Variants in FZD8 observed in about 807,000 individuals in gnomAD.
FZD8 encodes the protein frizzled-8.
FZD8 carries 18 observed loss-of-function variants against 46.0 expected under a neutral mutation model. The observed-to-expected ratio is 0.39, with a 90% CI of 0.27 to 0.58. The LOEUF (loss-of-function observed/expected upper bound fraction) is 0.58, where lower values mean the gene tolerates loss of function less well. Among genes scored for constraint, FZD8 ranks in the 20% least tolerant of loss-of-function variants. The pLI is 0.55. For missense variants in FZD8, 785 were observed against 983.4 expected, an observed-to-expected ratio of 0.80 and a Z score of 2.70; for synonymous variants, 586 against 467.9, an observed-to-expected ratio of 1.25 and a Z score of -3.26.
Position 35,641,493 on chromosome 10 carries a change from G to GGC in FZD8, c.-66_-65dup, listed in dbSNP as rs1554808067. On this transcript the variant is annotated 5_prime_UTR_variant, in exon 1 of 1. Transcript: ENST00000374694. The surrounding 1 kb of genome is among the most constrained non-coding windows in gnomAD (Gnocchi z 6.3). ...GCGCGCAGAGGGGTGCCGGGGGGGG[G>GGC]GCCCACGAGAGAGCCGCAGACGGGT... is the stretch of plus-strand genomic sequence containing the variant. 14 of 1,507,492 alleles carry GGC rather than the reference G, an allele frequency of 9.3e-6. No individual in the cohort carries two copies. In the African/African-American group the frequency reaches 1.9e-4, roughly 21 times the overall value. The allele number at this position is 1,507,492 out of a possible 1,614,324, so 93.4% of individuals were successfully genotyped here.
rs777191512 is a variant in FZD8 at position 35,640,327 on chromosome 10, CCCGCGCCCGCGCCCG to C, written c.1088_1102del (p.Ala363_Ala367del). 5.6e-4 allele frequency: 572 copies of C among 1,026,300 alleles called. No homozygotes were observed. The highest frequency in any genetic ancestry group is 8.9e-4 in the South Asian group (20 of 22,500). The allele number at this position is 1,026,300 out of a possible 1,614,324, so 63.6% of individuals were successfully genotyped here. A position where few individuals can be genotyped will look rare whatever the true frequency, so the allele number is the denominator to read the frequency against. ...GTACTCGCCGCGCCCGCCCGGGCCG[CCCGCGCCCGCGCCCG>C]CCGCGCCCGCGCCCGCCGCCGCGCC... On this transcript the variant is annotated inframe_deletion, in exon 1 of 1. Transcript: ENST00000374694.
At position 35,641,611 on chromosome 10, in the gene FZD8, C is replaced by T; in HGVS notation, c.-182G>A. The T allele has an allele frequency of 1.3e-6, 1 of 784,688 alleles. No homozygotes were observed. The highest frequency in any genetic ancestry group is 2.0e-6 in the Non-Finnish European group (1 of 511,166). 48.6% of individuals were successfully genotyped at this position (784,688 alleles called of 1,614,324 possible). On this transcript the variant is annotated 5_prime_UTR_variant, in exon 1 of 1. Coordinates refer to ENST00000374694, the MANE Select transcript of FZD8 (RefSeq NM_031866.3). The surrounding 1 kb of genome is among the most constrained non-coding windows in gnomAD (Gnocchi z 6.3). ...TTCTAGGGGCGCGTCCGCAGCGGCG[C>T]GGCCCGCAGCCTGGGCAGGGCCCTT... is the stretch of plus-strand genomic sequence containing the variant.
In FZD8 at chr10:35,641,487, G is replaced by GGGGT. The variant is rs1554808063; in HGVS notation, c.-59_-58insACCC. 1 of 1,334,702 alleles carries GGGGT rather than the reference G, an allele frequency of 7.5e-7. No individual in the cohort carries two copies. The highest frequency in any genetic ancestry group is 1.6e-5 in the African/African-American group (1 of 62,448). 82.7% of individuals were successfully genotyped at this position (1,334,702 alleles called of 1,614,324 possible). A position where few individuals can be genotyped will look rare whatever the true frequency, so the allele number is the denominator to read the frequency against. On this transcript the variant is annotated 5_prime_UTR_variant, in exon 1 of 1. Transcript: ENST00000374694. The surrounding 1 kb of genome is among the most constrained non-coding windows in gnomAD (Gnocchi z 6.3). ...CAGGCGGCGCGCAGAGGGGTGCCGG[G>GGGGT]GGGGGGGCCCACGAGAGAGCCGCAG...
chr10:35,641,346 G>A lies in FZD8; in HGVS notation c.84C>T (p.Ala28=). ...LLQRSSGAAA[A]SAKELACQEI... ...CTTGGCATGCCAGCTCCTTGGCCGA[G>A]GCGGCCGCAGCGCCGCTAGAGCGCT... Residue 28 remains alanine, a synonymous_variant, in exon 1 of 1, where the codon GCC becomes GCT. Coordinates refer to ENST00000374694, the MANE Select transcript of FZD8 (RefSeq NM_031866.3). This position sits in a 1 kb window ranked among gnomAD's most constrained non-coding sequence, Gnocchi z 6.3. The A allele has an allele frequency of 5.6e-6, 9 of 1,613,682 alleles. No individual in the cohort carries two copies. Among genetic ancestry groups the A allele is most frequent in the East Asian group, 2.2e-5 (1 of 44,800 alleles).
At position 35,641,294 on chromosome 10, in the gene FZD8, T is replaced by C. The variant is rs1430075108; in HGVS notation, c.136A>G (p.Ile46Val). Residue 46 changes from isoleucine to valine, a missense_variant, in exon 1 of 1, where the codon ATC (isoleucine) becomes GTC (valine). Ile to Val is a conservative substitution (Grantham distance 29). Coordinates refer to ENST00000374694, the MANE Select transcript of FZD8 (RefSeq NM_031866.3). This position sits in a 1 kb window ranked among gnomAD's most constrained non-coding sequence, Gnocchi z 6.3. ...QEITVPLCKGIGYNYTYMPNQ... is the reference protein window; with the variant it reads ...QEITVPLCKGVGYNYTYMPNQ... ...GGCATGTAGGTGTAGTTGTAGCCGA[T>C]GCCCTTACACAGCGGCACGGTGATC... 3 of 1,614,042 alleles carry C rather than the reference T, an allele frequency of 1.9e-6. No homozygotes were observed. Among genetic ancestry groups the C allele is most frequent in the Non-Finnish European group, 1.7e-6 (2 of 1,179,940 alleles).
Position 35,639,524 on chromosome 10 carries a change from TGGCGCCCGCGCCCCCGCCCACCGC to T in FZD8, c.1882_1905del (p.Ala628_Ala635del), listed in dbSNP as rs779614411. On this transcript the variant is annotated inframe_deletion, in exon 1 of 1. Coordinates refer to ENST00000374694, the MANE Select transcript of FZD8 (RefSeq NM_031866.3). ...GGCCCGCCGCCACCCCCCGCGGCCG[TGGCGCCCGCGCCCCCGCCCACCGC>T]GGCGCCCTTGCTGGCCCAGCAGCAG... is the stretch of plus-strand genomic sequence containing the variant. 8.5e-6 allele frequency: 10 copies of T among 1,180,046 alleles called. No homozygotes were observed. The East Asian group carries it at 1.1e-4, about 13-fold the overall frequency. The allele number at this position is 1,180,046 out of a possible 1,614,324, so 73.1% of individuals were successfully genotyped here.
Position 35,640,260 on chromosome 10 carries a change from G to A in FZD8, c.1170C>T (p.Thr390=). The change falls in exon 1 of 1, where the codon ACC becomes ACT. Residue 390 remains threonine (T), a synonymous_variant. Coordinates refer to ENST00000374694, the MANE Select transcript of FZD8 (RefSeq NM_031866.3). Reference sequence around the variant, plus strand: ...CCACGGTGCACAGCGCGGGGCCGGTGGTCTCGTAGCGCACGTGCTGCTCCA... The same window carrying A: ...CCACGGTGCACAGCGCGGGGCCGGTAGTCTCGTAGCGCACGTGCTGCTCCA... ...GAVEQHVRYE[T]TGPALCTVVF... 3 of 1,606,040 alleles carry A rather than the reference G, an allele frequency of 1.9e-6. No homozygotes were observed. The highest frequency in any genetic ancestry group is 2.5e-6 in the Non-Finnish European group (3 of 1,179,392).
rs1285159189 is a variant in FZD8 at position 35,639,693 on chromosome 10, G to A, written c.1737C>T (p.Arg579=). 1 of 1,599,484 alleles carries A rather than the reference G, an allele frequency of 6.3e-7. No homozygotes were observed. Residue 579 remains arginine (R), a synonymous_variant, in exon 1 of 1, where the codon CGC becomes CGT. Coordinates refer to ENST00000374694, the MANE Select transcript of FZD8 (RefSeq NM_031866.3). ...CLRDLQPDQA[R]RPDYAVFMLK... is the part of the protein sequence containing the mutation. The stretch of plus-strand genomic sequence containing the variant: ...GCATGAAGACGGCGTAGTCGGGCCT[G>A]CGTGCCTGGTCGGGCTGCAGGTCCC...
chr10:35,639,615 C>A lies in FZD8; in HGVS notation c.1815G>T (p.Trp605Cys). 1 of 1,598,106 alleles carries A rather than the reference C, an allele frequency of 6.3e-7. No homozygotes were observed. Among genetic ancestry groups the A allele is most frequent in the South Asian group, 1.1e-5 (1 of 91,088 alleles). ...GCCAGGACTCCAGCGTCTTGCCGGA[C>A]CAGACCCACACGCCCGAGGTGATGC... ...VVGITSGVWV[W>C]SGKTLESWRS... Residue 605 changes from tryptophan (W) to cysteine (C), a missense_variant, in exon 1 of 1, where the codon TGG becomes TGT. By Grantham distance (215) the Trp-to-Cys change is radical (BLOSUM62 -2). Around this residue, in one of 5 missense-constraint regions of FZD8, gnomAD observed 185 missense variants for 180.8 expected, o/e 1.02. Coordinates refer to ENST00000374694, the MANE Select transcript of FZD8 (RefSeq NM_031866.3).
chr10:35,641,480 G>A lies in FZD8; in HGVS notation c.-51C>T, dbSNP rs1388339537. On this transcript the variant is annotated 5_prime_UTR_variant, in exon 1 of 1. Coordinates refer to ENST00000374694, the MANE Select transcript of FZD8 (RefSeq NM_031866.3). This position sits in a 1 kb window ranked among gnomAD's most constrained non-coding sequence, Gnocchi z 6.3. Reference sequence around the variant, plus strand: ...CGCCCTCCAGGCGGCGCGCAGAGGGGTGCCGGGGGGGGGGCCCACGAGAGA... The same window carrying A: ...CGCCCTCCAGGCGGCGCGCAGAGGGATGCCGGGGGGGGGGCCCACGAGAGA... 2.8e-6 allele frequency: 4 copies of A among 1,417,272 alleles called. No homozygotes were observed. Among genetic ancestry groups the A allele is most frequent in the Non-Finnish European group, 3.7e-6 (4 of 1,091,580 alleles). 87.8% of individuals were successfully genotyped at this position (1,417,272 alleles called of 1,614,324 possible). A position where few individuals can be genotyped will look rare whatever the true frequency, so the allele number is the denominator to read the frequency against.
Position 35,640,920 on chromosome 10 carries a change from CGGCGGCGGCA to C in FZD8, c.500_509del (p.Leu167ArgfsTer70). The C allele has an allele frequency of 8.0e-7, 1 of 1,249,726 alleles. No homozygotes were observed. The highest frequency in any genetic ancestry group is 1.0e-6 in the Non-Finnish European group (1 of 997,956). The allele number at this position is 1,249,726 out of a possible 1,614,324, so 77.4% of individuals were successfully genotyped here. A position where few individuals can be genotyped will look rare whatever the true frequency, so the allele number is the denominator to read the frequency against. On this transcript the variant is annotated frameshift_variant, in exon 1 of 1. Coordinates refer to ENST00000374694, the MANE Select transcript of FZD8 (RefSeq NM_031866.3). LOFTEE classifies it high-confidence loss of function. ...CCGAAGGCGGCTGCTCGCCGGGCGGCGGCGGCGGCAGGCGGCGCGGCGGGCTGGGCGCGGC... is the reference window on the plus strand; with the variant it reads ...CCGAAGGCGGCTGCTCGCCGGGCGGCGGCGGCGCGGCGGGCTGGGCGCGGC...
chr10:35,639,306 C>T lies in FZD8; in HGVS notation c.*39G>A, dbSNP rs748639103. The T allele has an allele frequency of 3.9e-6, 3 of 770,916 alleles. No homozygotes were observed. The highest frequency in any genetic ancestry group is 5.8e-6 in the Non-Finnish European group (3 of 513,602). 47.8% of individuals were successfully genotyped at this position (770,916 alleles called of 1,614,324 possible). On this transcript the variant is annotated 3_prime_UTR_variant, in exon 1 of 1. Coordinates refer to ENST00000374694, the MANE Select transcript of FZD8 (RefSeq NM_031866.3). ...CTTCGCTGCACTTGGCTCTCCTCGC[C>T]CCCCTCCCCACCCCTCCTGGGCGCC...
chr10:35,639,690 C>T lies in FZD8; in HGVS notation c.1740G>A (p.Arg580=). The T allele has an allele frequency of 6.3e-7, 1 of 1,599,434 alleles. No homozygotes were observed. ...TGAGCATGAAGACGGCGTAGTCGGG[C>T]CTGCGTGCCTGGTCGGGCTGCAGGT... ...LRDLQPDQAR[R]PDYAVFMLKY... is the part of the protein sequence containing the mutation. The change falls in exon 1 of 1, where the codon AGG becomes AGA. Residue 580 remains arginine, a synonymous_variant. Coordinates refer to ENST00000374694, the MANE Select transcript of FZD8 (RefSeq NM_031866.3).
rs749572478 is a variant in FZD8, at chr10:35,639,539, C to G, written c.1891G>C (p.Gly631Arg). The change falls in exon 1 of 1, where the codon GGG becomes CGG. Residue 631 changes from glycine to arginine, a missense_variant. By Grantham distance (125) the Gly-to-Arg change is moderately radical (BLOSUM62 -2). Transcript: ENST00000374694. ...CWASKGAAVG[G>R]GAGATAAGGG... ...CCCGCGGCCGTGGCGCCCGCGCCCC[C>G]GCCCACCGCGGCGCCCTTGCTGGCC... 5.2e-6 allele frequency: 7 copies of G among 1,352,356 alleles called. No individual in the cohort carries two copies. Among genetic ancestry groups the G allele is most frequent in the East Asian group, 3.0e-5 (1 of 33,352 alleles). 83.8% of individuals were successfully genotyped at this position (1,352,356 alleles called of 1,614,324 possible).
Position 35,638,990 on chromosome 10 carries a change from G to GTATC in FZD8, c.*351_*354dup, listed in dbSNP as rs1554807750. On this transcript the variant is annotated 3_prime_UTR_variant, in exon 1 of 1. Coordinates refer to ENST00000374694, the MANE Select transcript of FZD8 (RefSeq NM_031866.3). ...AGAGGTTCTCCCAGGTGAAATCTGT[G>GTATC]TATCTGACTGCAAACCCAGCCAAGT... 6.5e-6 allele frequency: 1 copy of GTATC among 153,032 alleles called. No individual in the cohort carries two copies. Among genetic ancestry groups the GTATC allele is most frequent in the African/African-American group, 2.4e-5 (1 of 41,448 alleles). 9.5% of individuals were successfully genotyped at this position (153,032 alleles called of 1,614,324 possible). A position where few individuals can be genotyped will look rare whatever the true frequency, so the allele number is the denominator to read the frequency against.
At position 35,639,812 on chromosome 10, in the gene FZD8, A is replaced by G. The variant is rs1835825262; in HGVS notation, c.1618T>C (p.Tyr540His). Residue 540 changes from tyrosine to histidine, a missense_variant, in exon 1 of 1, where the codon TAC (tyrosine) becomes CAC (histidine). Coordinates refer to ENST00000374694, the MANE Select transcript of FZD8 (RefSeq NM_031866.3). ...ACCACCACCGCGGCGGGCACGGTGT[A>G]GAGCACGGTGAACAGGCCCAGGCGG... Reference protein sequence around the residue: ...MIRLGLFTVLYTVPAAVVVAC... With the variant: ...MIRLGLFTVLHTVPAAVVVAC... The G allele has an allele frequency of 6.2e-7, 1 of 1,603,914 alleles. No homozygotes were observed. The highest frequency in any genetic ancestry group is 8.5e-7 in the Non-Finnish European group (1 of 1,179,812).
Position 35,640,822 on chromosome 10 carries a change from T to G in FZD8, c.608A>C (p.Asp203Ala), listed in dbSNP as rs1025249337. The G allele has an allele frequency of 1.0e-6, 1 of 978,846 alleles. No individual in the cohort carries two copies. Among genetic ancestry groups the G allele is most frequent in the Non-Finnish European group, 1.2e-6 (1 of 828,176 alleles). The allele number at this position is 978,846 out of a possible 1,614,324, so 60.6% of individuals were successfully genotyped here. ...GCCGCGAGCTGGGGGCGCCGCCGCG[T>G]CCCCGCCGCCACCGCCCCTGCCGCC... The part of the protein sequence containing the change: ...RGGGRGGGGG[D>A]AAAPPARGGG... Residue 203 changes from aspartate to alanine, a missense_variant, in exon 1 of 1, where the codon GAC (aspartate) becomes GCC (alanine). Asp to Ala is a moderately radical substitution (Grantham distance 126). Transcript: ENST00000374694.
Position 35,638,673 on chromosome 10 carries a change from G to C in FZD8, c.*672C>G, listed in dbSNP as rs1213110838. On this transcript the variant is annotated 3_prime_UTR_variant, in exon 1 of 1. Coordinates refer to ENST00000374694, the MANE Select transcript of FZD8 (RefSeq NM_031866.3). The stretch of plus-strand genomic sequence containing the variant: ...AATACTTATATCTGTTCTTACAGGG[G>C]TAAGCCTCTAAACTTTTTACAAAAA... 1 of 152,170 alleles carries C rather than the reference G, an allele frequency of 6.6e-6. No individual in the cohort carries two copies. The highest frequency in any genetic ancestry group is 1.5e-5 in the Non-Finnish European group (1 of 68,004). 9.4% of individuals were successfully genotyped at this position (152,170 alleles called of 1,614,324 possible).
At position 35,640,506 on chromosome 10, in the gene FZD8, G is replaced by A. The variant is rs746131269; in HGVS notation, c.924C>T (p.Tyr308=). ...TFLIDMERFK[Y]PERPIIFLSA... is the part of the protein sequence containing the mutation. The stretch of plus-strand genomic sequence containing the variant: ...AGAGGAAGATAATGGGCCGCTCCGG[G>A]TACTTGAAGCGCTCCATGTCGATAA... The change falls in exon 1 of 1, where the codon TAC becomes TAT. Residue 308 remains tyrosine (Y), a synonymous_variant. Transcript: ENST00000374694. The A allele has an allele frequency of 1.3e-6, 2 of 1,585,228 alleles. No individual in the cohort carries two copies. Among genetic ancestry groups the A allele is most frequent in the South Asian group, 1.1e-5 (1 of 88,430 alleles).
Sources: allele counts gnomAD v4.1 joint callset, GRCh38; gene constraint gnomAD v4.1.1; regional missense constraint gnomAD v4.1.1; non-coding constraint Gnocchi (gnomAD v3.1); transcripts MANE v1.5; gene names NCBI Gene and HGNC (gene_info 2026-07-23, HGNC 2026-07-21).